Variants in TMPRSS12 observed in about 807,000 individuals in gnomAD.
The protein encoded by TMPRSS12 is transmembrane serine protease 12.
In TMPRSS12, 25 loss-of-function variants were observed where a neutral mutation model predicts 26.0. The ratio of observed to expected loss-of-function variants is 0.96; its 90% CI spans 0.70 to 1.34. The LOEUF is 1.34. Among genes scored for constraint, TMPRSS12 ranks in the 40% most tolerant of loss-of-function variants. The pLI is 0.00. For missense variants in TMPRSS12, 441 were observed against 440.1 expected, an observed-to-expected ratio of 1.00 and a Z score of -0.02; for synonymous variants, 150 against 161.7, an observed-to-expected ratio of 0.93 and a Z score of 0.55.
intron 2 of TMPRSS12, among the ~76,000 whole-genome samples, chr12:50,849,982 A>T (rs981678844): frequency 6.6e-6 from 1 of 151,246 alleles, no homozygotes. Flanking sequence ...CCAGAGTGCC[A>T]TATAAATGGA....
chr12:50,844,956 A>G (rs1313671123), intron 2 of TMPRSS12, among the ~76,000 whole-genome samples: 3 of 152,198 alleles, frequency 2.0e-5, no homozygotes, highest in African/African-American at 7.2e-5. Flanking sequence ...GGAAGCCAAG[A>G]CGGGAGGATC....
At chr12:50,884,368 T>C (rs374457408) in intron 3 of TMPRSS12, among the ~76,000 whole-genome samples, 33 of 152,242 alleles carry the variant, frequency 2.2e-4, no homozygotes, top group South Asian at 2.1e-3. Flanking sequence ...CTAAAATCCA[T>C]TGGAATTAAC....
intron 3 of TMPRSS12, among the ~76,000 whole-genome samples, chr12:50,882,373 C>G (rs2139738555): frequency 6.9e-6 from 1 of 144,940 alleles, no homozygotes; most frequent in Non-Finnish European, 1.5e-5. Flanking sequence ...TGGAGGGAGG[C>G]TAAAAAAAGA....
intron 3 of TMPRSS12, among the ~76,000 whole-genome samples, chr12:50,873,192 G>A (rs1380376955): frequency 6.6e-6 from 1 of 151,858 alleles, no homozygotes; most frequent in Non-Finnish European, 1.5e-5. Flanking sequence ...CAGGGGAAAG[G>A]GTGGGAGGGG....
chr12:50,859,111 T>G, intron 3 of TMPRSS12, 58 bp downstream of exon 3: 3 of 1,449,698 alleles, frequency 2.1e-6, no homozygotes, highest in Non-Finnish European at 2.7e-6. Flanking sequence ...CAGAGGAAGG[T>G]CAAACCTTTT....
At chr12:50,875,244 C>T (rs897994620) in intron 3 of TMPRSS12, among the ~76,000 whole-genome samples, 1 of 152,034 alleles carries the variant, frequency 6.6e-6, no homozygotes, top group African/African-American at 2.4e-5. Flanking sequence ...AATCTCAGCA[C>T]TTTGGGAGGC....
chr12:50,882,286 TA>T (rs59323134), intron 3 of TMPRSS12, among the ~76,000 whole-genome samples: 3,081 of 58,442 alleles, frequency 0.053, 56 homozygotes, highest in African/African-American at 0.064. Flanking sequence ...CCCATCTCTC[TA>T]AAAAAAAAAA....
At chr12:50,855,177 C>T (rs767815098) in intron 2 of TMPRSS12, among the ~76,000 whole-genome samples, 9 of 152,024 alleles carry the variant, frequency 5.9e-5, no homozygotes, top group Non-Finnish European at 1.3e-4. Context: ...GACATCATGA[C>T]AAAGACTCCA....
chr12:50,859,312 T>C (rs1196270387), intron 3 of TMPRSS12, among the ~76,000 whole-genome samples: 1 of 151,876 alleles, frequency 6.6e-6, no homozygotes, highest in East Asian at 1.9e-4. Flanking sequence ...ACCTCCCAAG[T>C]TCAAGTGATT....
At chr12:50,860,561 A>G (rs1937924906) in intron 3 of TMPRSS12, among the ~76,000 whole-genome samples, 1 of 152,174 alleles carries the variant, frequency 6.6e-6, no homozygotes, top group Non-Finnish European at 1.5e-5. Context: ...GACTACAGGC[A>G]TGTGCCACCA....
chr12:50,875,489 C>CA (rs56816598), intron 3 of TMPRSS12, among the ~76,000 whole-genome samples: 3,405 of 69,410 alleles, frequency 0.049, 227 homozygotes, highest in East Asian at 0.25. Context: ...GACTCCATCT[C>CA]AAAAAAAAAA....
rs1032513690 is a variant in TMPRSS12 at position 50,887,316 on chromosome 12, G to A, written c.850G>A (p.Val284Ile). The A allele has an allele frequency of 2.2e-5, 35 of 1,613,740 alleles. 1 individual carries two copies. The highest frequency in any genetic ancestry group is 1.3e-4 in the African/African-American group (10 of 74,926). ...CYLPEYKRFFVMGITSYGHGC... is the reference protein window; with the variant it reads ...CYLPEYKRFFIMGITSYGHGC... ...CTTACCAGAATATAAAAGATTTTTTGTAATGGGAATTACCAGTTACGGACA... is the reference window on the plus strand; with the variant it reads ...CTTACCAGAATATAAAAGATTTTTTATAATGGGAATTACCAGTTACGGACA... The change falls in exon 5 of 5, where the codon GTA (valine) becomes ATA (isoleucine). Residue 284 changes from valine (V) to isoleucine (I), a missense_variant. Transcript: ENST00000398458.
chr12:50,868,569 T>A (rs900077403), intron 3 of TMPRSS12, among the ~76,000 whole-genome samples: 17 of 152,280 alleles, frequency 1.1e-4, no homozygotes, highest in African/African-American at 3.6e-4. Flanking sequence ...AATACTCTAC[T>A]GACAGCACTA....
At chr12:50,884,061 G>T (rs1026871278) in intron 3 of TMPRSS12, among the ~76,000 whole-genome samples, 3 of 152,146 alleles carry the variant, frequency 2.0e-5, no homozygotes, top group African/African-American at 7.2e-5. Flanking sequence ...ATCACAGATT[G>T]GTTAAAGGAT....
chr12:50,849,532 C>T (rs182981118), intron 2 of TMPRSS12, among the ~76,000 whole-genome samples: 2 of 152,250 alleles, frequency 1.3e-5, no homozygotes, highest in East Asian at 3.9e-4. Flanking sequence ...CCCTTTGTAG[C>T]CAACCCCTGC....
At chr12:50,856,314 G>T (rs1385001342) in intron 2 of TMPRSS12, among the ~76,000 whole-genome samples, 1 of 152,142 alleles carries the variant, frequency 6.6e-6, no homozygotes, top group Non-Finnish European at 1.5e-5. Flanking sequence ...ATGATTGTAA[G>T]TTCCCTGAAG....
At chr12:50,857,723 G>C (rs898585038) in intron 2 of TMPRSS12, among the ~76,000 whole-genome samples, 2 of 152,048 alleles carry the variant, frequency 1.3e-5, no homozygotes, top group Non-Finnish European at 2.9e-5. Flanking sequence ...TTAGTGTCAT[G>C]CTTTATCAAA....
At chr12:50,884,558 C>T (rs959071524) in intron 3 of TMPRSS12, among the ~76,000 whole-genome samples, 6 of 152,108 alleles carry the variant, frequency 3.9e-5, no homozygotes, top group African/African-American at 1.4e-4. Flanking sequence ...AACCCTCGTA[C>T]TTTGCTAGTG....
chr12:50,884,089 T>G (rs1306713672), intron 3 of TMPRSS12, among the ~76,000 whole-genome samples: 2 of 152,202 alleles, frequency 1.3e-5, no homozygotes, highest in African/African-American at 4.8e-5. Flanking sequence ...ATTTTCTGAA[T>G]AAATGCAGTA....
Sources: gnomAD v4.1 joint callset for allele counts (sites outside exome capture counted in the v4.1 genomes callset) on GRCh38, gnomAD v4.1.1 for gene constraint, MANE v1.5 for transcripts, NCBI Gene and HGNC (gene_info 2026-07-23, HGNC 2026-07-21) for gene names.